SPNS2: variants seen among roughly 807,000 people sequenced by gnomAD.
SPNS2 encodes the protein SPNS lysolipid transporter 2, sphingosine-1-phosphate, also known as sphingosine-1-phosphate transporter SPNS2.
In SPNS2, 37 loss-of-function variants were observed where a neutral mutation model predicts 57.6. That is an observed-to-expected ratio of 0.64 (90% CI 0.49 to 0.85). SPNS2 has a LOEUF of 0.85. SPNS2 is among the 40% of genes least tolerant of loss of function. The probability of loss-of-function intolerance (pLI) is 0.00; values close to 1 mark genes in which losing one functional copy is unlikely to be tolerated. For synonymous variants in SPNS2, 440 were observed against 346.9 expected (o/e 1.27, Z -2.98); for missense variants, 831 against 779.1 (o/e 1.07, Z -0.79).
chr17:4,532,038 G>T (rs921211519), intron 5 of SPNS2, among the ~76,000 whole-genome samples: 1 of 152,112 alleles, frequency 6.6e-6, no homozygotes, highest in African/African-American at 2.4e-5. Context: ...ACCTGCTCCA[G>T]GAATTTTCTC....
intron 5 of SPNS2, among the ~76,000 whole-genome samples, chr17:4,532,005 C>T (rs1250448856): frequency 5.9e-5 from 9 of 152,180 alleles, no homozygotes; most frequent in African/African-American, 1.2e-4. Context: ...CAGGGCCCTG[C>T]GGCTGAGGAA....
chr17:4,538,859 G>A lies in SPNS2; in HGVS notation c.*1411G>A. ...TCCACCCCCACTCCAGCCTCAGCGG[G>A]GCCCCAGCGATGTTTTCTTGTTGTA... On this transcript the variant is annotated 3_prime_UTR_variant, in exon 13 of 13. Coordinates refer to ENST00000329078, the MANE Select transcript of SPNS2 (RefSeq NM_001124758.3). The A allele has an allele frequency of 1.3e-6, 1 of 780,500 alleles. No homozygotes were observed. The highest frequency in any genetic ancestry group is 2.4e-6 in the Non-Finnish European group (1 of 417,880). The allele number at this position is 780,500 out of a possible 1,614,324, so 48.3% of individuals were successfully genotyped here. A position where few individuals can be genotyped will look rare whatever the true frequency, so the allele number is the denominator to read the frequency against.
intron 2 of SPNS2, among the ~76,000 whole-genome samples, chr17:4,522,649 C>T (rs899887004): frequency 4.6e-5 from 7 of 152,262 alleles, no homozygotes; most frequent in Non-Finnish European, 4.4e-5. Flanking sequence ...GCCGGGACCA[C>T]GCACACATTC....
intron 3 of SPNS2, among the ~76,000 whole-genome samples, chr17:4,525,738 A>C (rs140148630): frequency 9.3e-4 from 141 of 152,304 alleles, no homozygotes; most frequent in African/African-American, 3.2e-3. Flanking sequence ...ACCTGGAGGA[A>C]CTTAATGTCT....
intron 2 of SPNS2, among the ~76,000 whole-genome samples, chr17:4,520,757 A>G (rs1488410301): frequency 6.6e-6 from 1 of 152,100 alleles, no homozygotes; most frequent in Non-Finnish European, 1.5e-5. Flanking sequence ...AGTCTGCCAA[A>G]CTGGGATTTA....
At chr17:4,521,989 A>C (rs1905150932) in intron 2 of SPNS2, among the ~76,000 whole-genome samples, 1 of 152,200 alleles carries the variant, frequency 6.6e-6, no homozygotes, top group Non-Finnish European at 1.5e-5. Context: ...ACCTGAGATC[A>C]GGTGTTTGAG....
At chr17:4,509,333 G>A (rs1375575585) in intron 1 of SPNS2, among the ~76,000 whole-genome samples, 8 of 152,230 alleles carry the variant, frequency 5.3e-5, no homozygotes, top group East Asian at 1.9e-4. Flanking sequence ...CCAGCTACTC[G>A]GGAGGCTGAG....
intron 9 of SPNS2, among the ~76,000 whole-genome samples, chr17:4,534,710 A>G (rs978243748): frequency 6.6e-6 from 1 of 151,982 alleles, no homozygotes; most frequent in Admixed American, 6.5e-5. Context: ...TCCCGAGTCC[A>G]TGGGCTGCGG....
chr17:4,530,958 T>TG (rs1205852398), intron 4 of SPNS2, 95 bp from the exon 5 acceptor site: 1 of 1,493,442 alleles, frequency 6.7e-7, no homozygotes, highest in African/African-American at 1.4e-5. Flanking sequence ...GCTGGCTGGG[T>TG]GGGGAGGGTG....
At chr17:4,526,102 A>G (rs1165287831) in intron 3 of SPNS2, among the ~76,000 whole-genome samples, 1 of 152,252 alleles carries the variant, frequency 6.6e-6, no homozygotes, top group Non-Finnish European at 1.5e-5. Flanking sequence ...TCCTGTGTTC[A>G]GAGCCTTCAA....
intron 2 of SPNS2, among the ~76,000 whole-genome samples, chr17:4,515,681 C>G (rs1195415834): frequency 2.0e-5 from 3 of 152,270 alleles, no homozygotes; most frequent in Non-Finnish European, 4.4e-5. Context: ...TCCCAGGCAC[C>G]TGTGCCTTCC....
At chr17:4,535,870 G>T (rs1195097414) in intron 9 of SPNS2, among the ~76,000 whole-genome samples, 1 of 151,824 alleles carries the variant, frequency 6.6e-6, no homozygotes, top group Non-Finnish European at 1.5e-5. Flanking sequence ...AAGGGTGACT[G>T]GCAGGAGAGA....
In SPNS2 at chr17:4,500,683, G is replaced by A. The variant is rs972348383; in HGVS notation, c.370+1266G>A. Among the ~76,000 whole-genome samples the A allele has an allele frequency of 2.7e-5, 4 of 149,622 alleles. No homozygotes were observed. In the South Asian group the frequency reaches 6.2e-4, roughly 23 times the overall value. ...TGCGGCAATTGAGGGAAGAGAGCCC[G>A]GGCATAAACCACATGCCACCTGGTG... is the stretch of plus-strand genomic sequence containing the variant. On this transcript the variant is annotated intron_variant, in intron 1 of 12. Transcript: ENST00000329078.
In SPNS2 at chr17:4,539,015, G is replaced by C. The variant is rs779110346; in HGVS notation, c.*1567G>C. On this transcript the variant is annotated 3_prime_UTR_variant, in exon 13 of 13. Transcript: ENST00000329078. ...CAAATATATTCCTCTTGTAAATGAA[G>C]AAATAAACCTATTTAAATCACCCCC... 3.6e-6 allele frequency: 3 copies of C among 826,960 alleles called. No individual in the cohort carries two copies. The African/African-American group carries it at 5.0e-5, about 14-fold the overall frequency. 51.2% of individuals were successfully genotyped at this position (826,960 alleles called of 1,614,324 possible).
intron 2 of SPNS2, among the ~76,000 whole-genome samples, chr17:4,516,599 G>A (rs879660835): frequency 1.7e-5 from 2 of 114,542 alleles, no homozygotes; most frequent in Non-Finnish European, 3.4e-5. Flanking sequence ...TCTGGCCGGT[G>A]GCCGCGGAGA....
intron 2 of SPNS2, among the ~76,000 whole-genome samples, chr17:4,520,783 G>A (rs755801465): frequency 3.9e-4 from 59 of 152,086 alleles, no homozygotes; most frequent in Non-Finnish European, 6.9e-4. Flanking sequence ...TGGCTCAGCC[G>A]CACACTCGCT....
chr17:4,500,708 G>C (rs1904467211), intron 1 of SPNS2, among the ~76,000 whole-genome samples: 1 of 151,878 alleles, frequency 6.6e-6, no homozygotes, highest in Non-Finnish European at 1.5e-5. Context: ...GCCACCTGGT[G>C]CCTTCTCTGG....
At position 4,538,554 on chromosome 17, in the gene SPNS2, C is replaced by A. The variant is rs573476901; in HGVS notation, c.*1106C>A. ...TGCCAACTTCACACCAGCCCCAACC[C>A]GCTTTGGGGGAGCTTAGCCCCCTGC... On this transcript the variant is annotated 3_prime_UTR_variant, in exon 13 of 13. Coordinates refer to ENST00000329078, the MANE Select transcript of SPNS2 (RefSeq NM_001124758.3). 8.7e-6 allele frequency: 3 copies of A among 344,154 alleles called. No homozygotes were observed. Among genetic ancestry groups the A allele is most frequent in the Non-Finnish European group, 1.6e-5 (3 of 184,478 alleles). 21.3% of individuals were successfully genotyped at this position (344,154 alleles called of 1,614,324 possible).
chr17:4,526,047 C>A (rs1567592962), intron 3 of SPNS2, among the ~76,000 whole-genome samples: 1 of 152,202 alleles, frequency 6.6e-6, no homozygotes, highest in Non-Finnish European at 1.5e-5. Flanking sequence ...ATAGCCCTGT[C>A]CTTGGGAGCA....
Sources: allele counts gnomAD v4.1 joint callset (sites outside exome capture counted in the v4.1 genomes callset), GRCh38; gene constraint gnomAD v4.1.1; transcripts MANE v1.5; gene names NCBI Gene and HGNC (gene_info 2026-07-23, HGNC 2026-07-21).